The following ST8SIA2 variants were observed in gnomAD, a reference collection of about 807,000 sequenced individuals.
The protein encoded by ST8SIA2 is ST8 alpha-N-acetyl-neuraminide alpha-2,8-sialyltransferase 2, also known as alpha-2,8-sialyltransferase 8B.
ST8SIA2 carries 22 observed loss-of-function variants against 37.6 expected under a neutral mutation model. That is an observed-to-expected ratio of 0.58 (90% CI 0.42 to 0.83). The LOEUF (loss-of-function observed/expected upper bound fraction) is 0.83. ST8SIA2 is among the 40% of genes least tolerant of loss of function. The pLI is 0.00. For missense variants in ST8SIA2, 382 were observed against 484.7 expected (o/e 0.79, Z 1.99); for synonymous variants, 205 against 201.2 (o/e 1.02, Z -0.16).
intron 5 of ST8SIA2, among the ~76,000 whole-genome samples, chr15:92,463,647 T>C (rs2049971648): frequency 6.6e-6 from 1 of 152,230 alleles, no homozygotes; most frequent in African/African-American, 2.4e-5. Flanking sequence ...CCTTTCATGC[T>C]ACAGCTACAC....
intron 4 of ST8SIA2, among the ~76,000 whole-genome samples, chr15:92,440,281 A>G (rs989041786): frequency 1.3e-5 from 2 of 151,966 alleles, no homozygotes; most frequent in Non-Finnish European, 2.9e-5. Flanking sequence ...TACAGTCTGT[A>G]CTCCAGCCCA....
chr15:92,408,156 G>A (rs867597643), intron 1 of ST8SIA2, among the ~76,000 whole-genome samples: 54 of 152,168 alleles, frequency 3.5e-4, no homozygotes, highest in African/African-American at 1.2e-3. Context: ...AAGAATCCTT[G>A]AATAAAACAA....
chr15:92,400,851 G>A (rs1287707764), intron 1 of ST8SIA2, among the ~76,000 whole-genome samples: 2 of 152,212 alleles, frequency 1.3e-5, no homozygotes, highest in African/African-American at 4.8e-5. Flanking sequence ...AGGGCCAGCT[G>A]TTTCCGTGCA....
intron 3 of ST8SIA2, among the ~76,000 whole-genome samples, chr15:92,434,599 C>A (rs1281907773): frequency 6.6e-6 from 1 of 152,220 alleles, no homozygotes; most frequent in Non-Finnish European, 1.5e-5. Context: ...GGCAGGAACA[C>A]CCGCTGAGGT....
At chr15:92,436,250 A>G (rs548535991) in intron 3 of ST8SIA2, among the ~76,000 whole-genome samples, 1 of 152,196 alleles carries the variant, frequency 6.6e-6, no homozygotes, top group East Asian at 1.9e-4. Context: ...CATTCTCCCC[A>G]CTACACCACC....
chr15:92,454,266 G>A (rs933979549), intron 5 of ST8SIA2, among the ~76,000 whole-genome samples: 9 of 152,170 alleles, frequency 5.9e-5, no homozygotes, highest in Admixed American at 2.6e-4. Context: ...CTTGCAGATC[G>A]CCATCTTCTT....
chr15:92,445,195 T>C, intron 5 of ST8SIA2: 1 of 561,730 alleles, frequency 1.8e-6, no homozygotes, highest in Non-Finnish European at 3.2e-6. Flanking sequence ...GGGGTGGGGC[T>C]GTCTTGAGGC....
chr15:92,399,183 G>A (rs541551809), intron 1 of ST8SIA2, among the ~76,000 whole-genome samples: 34 of 152,324 alleles, frequency 2.2e-4, no homozygotes, highest in African/African-American at 5.5e-4. Flanking sequence ...TGATTCTGAT[G>A]TCAATCAAAA....
In ST8SIA2 at chr15:92,444,754, C is replaced by A; in HGVS notation, c.667C>A (p.Arg223=). 6.2e-7 allele frequency: 1 copy of A among 1,614,158 alleles called. No homozygotes were observed. The highest frequency in any genetic ancestry group is 8.5e-7 in the Non-Finnish European group (1 of 1,180,028). The change falls in exon 5 of 6, where the codon CGG becomes AGG. Residue 223 remains arginine (R), a synonymous_variant. Coordinates refer to ENST00000268164, the MANE Select transcript of ST8SIA2 (RefSeq NM_006011.4). ...TGAGGACTTGGTCAATGCCACGTGG[C>A]GGGAGAAGCTGCTGCAACGGCTGCA... The part of the protein sequence containing the change: ...AFEDLVNATW[R]EKLLQRLHSL...
Position 92,414,435 on chromosome 15 carries a change from C to T in ST8SIA2, c.99-15614C>T, listed in dbSNP as rs760891386. Among the ~76,000 whole-genome samples the T allele has an allele frequency of 3.4e-4, 52 of 152,350 alleles. 1 individual carries two copies. Among genetic ancestry groups the T allele is most frequent in the Non-Finnish European group, 2.4e-4 (16 of 68,040 alleles). ...TCTCAGGTTCTGACAAGCCCCTACC[C>T]CAACCTCACCTTTGCACCTACTCCC... On this transcript the variant is annotated intron_variant, in intron 1 of 5. Coordinates refer to ENST00000268164, the MANE Select transcript of ST8SIA2 (RefSeq NM_006011.4).
intron 4 of ST8SIA2, 128 bp from the exon 5 acceptor site, chr15:92,444,508 G>A (rs1596245562): frequency 8.8e-7 from 1 of 1,134,058 alleles, no homozygotes; most frequent in Non-Finnish European, 1.3e-6. Flanking sequence ...TGTGAGTGTG[G>A]AGAGATGCCC....
chr15:92,427,202 TAC>T (rs1179858043), intron 1 of ST8SIA2, among the ~76,000 whole-genome samples: 1 of 146,526 alleles, frequency 6.8e-6, no homozygotes, highest in Admixed American at 7.1e-5. Context: ...ATAGTATATA[TAC>T]ACAGTTTGTT....
intron 2 of ST8SIA2, 90 bp downstream of exon 2, chr15:92,430,201 C>G: frequency 7.9e-7 from 1 of 1,268,716 alleles, no homozygotes; most frequent in Non-Finnish European, 1.1e-6. Flanking sequence ...GCCCTTCTTA[C>G]TTAGCAAATA....
At chr15:92,404,867 C>A (rs1415565840) in intron 1 of ST8SIA2, among the ~76,000 whole-genome samples, 1 of 151,170 alleles carries the variant, frequency 6.6e-6, no homozygotes, top group South Asian at 2.1e-4. Flanking sequence ...AACAGGGACT[C>A]AAACAGATAT....
chr15:92,448,833 AGTT>A (rs2049861520), intron 5 of ST8SIA2, among the ~76,000 whole-genome samples: 1 of 152,148 alleles, frequency 6.6e-6, no homozygotes, highest in Non-Finnish European at 1.5e-5. Context: ...GTCACTCATG[AGTT>A]CTTCACCTTG....
At chr15:92,408,677 T>TTATTTA (rs2049526257) in intron 1 of ST8SIA2, among the ~76,000 whole-genome samples, 2 of 123,080 alleles carry the variant, frequency 1.6e-5, no homozygotes, top group African/African-American at 6.8e-5. Context: ...GTTCCATTTT[T>TTATTTA]TTTATTTATT....
intron 1 of ST8SIA2, among the ~76,000 whole-genome samples, chr15:92,421,585 G>T (rs955348201): frequency 6.6e-6 from 1 of 152,176 alleles, no homozygotes; most frequent in East Asian, 1.9e-4. Context: ...AAAACAGATG[G>T]AAGCTTCTAG....
intron 1 of ST8SIA2, among the ~76,000 whole-genome samples, chr15:92,406,058 G>A (rs2049506004): frequency 6.6e-6 from 1 of 152,184 alleles, no homozygotes; most frequent in African/African-American, 2.4e-5. Flanking sequence ...AAAGAAAAGA[G>A]TCCGAGATAC....
intron 2 of ST8SIA2, among the ~76,000 whole-genome samples, chr15:92,430,916 T>G (rs1374801974): frequency 6.6e-6 from 1 of 152,216 alleles, no homozygotes; most frequent in Non-Finnish European, 1.5e-5. Context: ...ATGCAGAGGA[T>G]TGTCTATTAT....
Sources: allele counts gnomAD v4.1 joint callset (sites outside exome capture counted in the v4.1 genomes callset), GRCh38; gene constraint gnomAD v4.1.1; transcripts MANE v1.5; gene names NCBI Gene and HGNC (gene_info 2026-07-23, HGNC 2026-07-21).